Variants in GPC5 observed in about 807,000 individuals in gnomAD.
GPC5 encodes the protein glypican-5.
In GPC5, 47 loss-of-function variants were observed where a neutral mutation model predicts 53.9. The ratio of observed to expected loss-of-function variants is 0.87; its 90% confidence interval spans 0.69 to 1.11. The LOEUF (loss-of-function observed/expected upper bound fraction) is 1.11, where lower values mean the gene tolerates loss of function less well. Among genes scored for constraint, GPC5 ranks in the 50% most tolerant of loss-of-function variants. The probability of loss-of-function intolerance (pLI) is 0.00; values close to 1 mark genes in which losing one functional copy is unlikely to be tolerated. For synonymous variants in GPC5, 286 were observed against 263.3 expected (o/e 1.09, Z -0.84); for missense variants, 748 against 713.1 (o/e 1.05, Z -0.56).
intron 7 of GPC5, among the ~76,000 whole-genome samples, chr13:92,268,995 C>T (rs2042822006): frequency 6.6e-6 from 1 of 151,848 alleles, no homozygotes; most frequent in Non-Finnish European, 1.5e-5. Flanking sequence ...ATATATAGGA[C>T]TTCTTAATTT....
chr13:91,937,313 G>A (rs1407907501), intron 6 of GPC5, among the ~76,000 whole-genome samples: 1 of 151,960 alleles, frequency 6.6e-6, no homozygotes, highest in Non-Finnish European at 1.5e-5. Flanking sequence ...AAAAAGGATG[G>A]CAATTATTTC....
At chr13:92,139,666 C>CAAAAAAA (rs5805729) in intron 6 of GPC5, among the ~76,000 whole-genome samples, 2 of 94,146 alleles carry the variant, frequency 2.1e-5, no homozygotes, top group African/African-American at 4.2e-5. Context: ...GATTCCGTCT[C>CAAAAAAA]AAAAAAAAAA....
chr13:92,141,950 C>T (rs2041834618), intron 6 of GPC5, among the ~76,000 whole-genome samples: 1 of 152,136 alleles, frequency 6.6e-6, no homozygotes, highest in Non-Finnish European at 1.5e-5. Flanking sequence ...CATCCAAGCT[C>T]ACACCCTCAA....
chr13:92,243,851 T>G (rs532293075), intron 7 of GPC5, among the ~76,000 whole-genome samples: 2 of 152,072 alleles, frequency 1.3e-5, no homozygotes, highest in Non-Finnish European at 2.9e-5. Context: ...AAAGAAGAGA[T>G]GGCAGCCAGA....
intron 7 of GPC5, among the ~76,000 whole-genome samples, chr13:92,737,936 T>C (rs1411737898): frequency 6.6e-6 from 1 of 151,650 alleles, no homozygotes; most frequent in African/African-American, 2.4e-5. Context: ...CTGCCTAATT[T>C]TGTATTTTTA....
chr13:91,690,708 G>A (rs1384427820), intron 2 of GPC5, among the ~76,000 whole-genome samples: 1 of 152,108 alleles, frequency 6.6e-6, no homozygotes, highest in East Asian at 1.9e-4. Flanking sequence ...TATAAAAATT[G>A]CATGTGTAAA....
At chr13:91,956,158 A>C (rs1487582173) in intron 6 of GPC5, among the ~76,000 whole-genome samples, 3 of 151,294 alleles carry the variant, frequency 2.0e-5, no homozygotes, top group Non-Finnish European at 4.4e-5. Context: ...CACCCAGTTC[A>C]GTTTTCTCCC....
rs537568804 is a variant in GPC5, at chr13:92,090,615, G to C, written c.1402-54215G>C. ...CAATTTATGATATTTTGTTAAAGCT[G>C]TTTAAATAGATTAAGACACCTAGGA... On this transcript the variant is annotated intron_variant, in intron 6 of 7. Coordinates refer to ENST00000377067, the MANE Select transcript of GPC5 (RefSeq NM_004466.6). Among the ~76,000 whole-genome samples, 9 of 152,210 alleles carry C rather than the reference G, an allele frequency of 5.9e-5. No homozygotes were observed. The East Asian group carries it at 1.2e-3, about 20-fold the overall frequency.
intron 6 of GPC5, among the ~76,000 whole-genome samples, chr13:91,947,546 C>A (rs1374184402): frequency 2.0e-5 from 3 of 152,102 alleles, no homozygotes; most frequent in African/African-American, 7.2e-5. Context: ...AAACACCAAT[C>A]AAAGAAGCAT....
intron 7 of GPC5, among the ~76,000 whole-genome samples, chr13:92,585,244 G>A (rs1290390573): frequency 6.6e-6 from 1 of 152,150 alleles, no homozygotes; most frequent in Non-Finnish European, 1.5e-5. Context: ...CAAGATGGAG[G>A]CTATACCCAG....
At chr13:91,871,429 G>C (rs530025819) in intron 5 of GPC5, among the ~76,000 whole-genome samples, 1 of 151,962 alleles carries the variant, frequency 6.6e-6, no homozygotes, top group South Asian at 2.1e-4. Flanking sequence ...GTGATGAAAT[G>C]ATATATACAA....
chr13:92,360,066 C>T (rs1177850632), intron 7 of GPC5, among the ~76,000 whole-genome samples: 2 of 151,704 alleles, frequency 1.3e-5, no homozygotes, highest in Admixed American at 6.6e-5. Context: ...TGTGCAGAAG[C>T]TCTTAAGTTT....
intron 7 of GPC5, among the ~76,000 whole-genome samples, chr13:92,643,622 C>T (rs1309927639): frequency 7.1e-6 from 1 of 140,752 alleles, no homozygotes; most frequent in Non-Finnish European, 1.6e-5. Context: ...TAAACTATCG[C>T]AAGAACAAAA....
At chr13:91,972,030 T>G (rs1027282960) in intron 6 of GPC5, among the ~76,000 whole-genome samples, 2 of 152,206 alleles carry the variant, frequency 1.3e-5, no homozygotes, top group African/African-American at 4.8e-5. Flanking sequence ...TTATTAACTT[T>G]CTGTGTCGTT....
intron 5 of GPC5, among the ~76,000 whole-genome samples, chr13:91,869,928 C>T (rs887189411): frequency 6.6e-6 from 1 of 152,112 alleles, no homozygotes; most frequent in Admixed American, 6.6e-5. Flanking sequence ...GGAAAATCTA[C>T]CCCCATGATA....
intron 5 of GPC5, among the ~76,000 whole-genome samples, chr13:91,779,421 C>T (rs779826505): frequency 1.2e-3 from 186 of 152,060 alleles, no homozygotes; most frequent in Non-Finnish European, 2.1e-3. Flanking sequence ...AGTGCAGTGG[C>T]GTGGTCTTGG....
intron 6 of GPC5, among the ~76,000 whole-genome samples, chr13:91,955,701 T>C (rs1240492049): frequency 6.6e-6 from 1 of 152,182 alleles, no homozygotes; most frequent in Non-Finnish European, 1.5e-5. Flanking sequence ...TACAACAGCA[T>C]TCCTCCAGAG....
At chr13:91,772,182 T>C (rs2037636713) in intron 5 of GPC5, among the ~76,000 whole-genome samples, 1 of 152,230 alleles carries the variant, frequency 6.6e-6, no homozygotes, top group African/African-American at 2.4e-5. Flanking sequence ...ATTTATTTTA[T>C]TGTAGTTCCT....
chr13:91,569,918 TTC>T (rs2031706721), intron 2 of GPC5, among the ~76,000 whole-genome samples: 1 of 152,174 alleles, frequency 6.6e-6, no homozygotes, highest in Non-Finnish European at 1.5e-5. Context: ...AGAAATAAGT[TTC>T]TGTTTTTTAT....
Sources: allele counts gnomAD v4.1 joint callset (sites outside exome capture counted in the v4.1 genomes callset), GRCh38; gene constraint gnomAD v4.1.1; transcripts MANE v1.5; gene names NCBI Gene and HGNC (gene_info 2026-07-23, HGNC 2026-07-21).